HCN1: variants seen among roughly 807,000 people sequenced by gnomAD.
HCN1 encodes hyperpolarization activated cyclic nucleotide gated potassium channel 1, also known as potassium/sodium hyperpolarization-activated cyclic nucleotide-gated channel 1.
A neutral mutation model predicts 78.9 loss-of-function variants in HCN1; 13 were observed. The ratio of observed to expected loss-of-function variants is 0.16; its 90% CI spans 0.11 to 0.26. The LOEUF is 0.26. Among genes scored for constraint, HCN1 ranks in the 10% least tolerant of loss-of-function variants. The probability of loss-of-function intolerance (pLI) is 1.00; values close to 1 mark genes in which losing one functional copy is unlikely to be tolerated. For missense variants in HCN1, 810 were observed against 1,154.3 expected (o/e 0.70, Z 4.32); for synonymous variants, 552 against 455.5 (o/e 1.21, Z -2.70).
chr5:45,464,391 T>C (rs965652494), intron 2 of HCN1, among the ~76,000 whole-genome samples: 1 of 152,152 alleles, frequency 6.6e-6, no homozygotes, highest in African/African-American at 2.4e-5. Context: ...TGTTAGGTAG[T>C]GCTAGTGCTG....
intron 2 of HCN1, among the ~76,000 whole-genome samples, chr5:45,578,002 G>C (rs1579979208): frequency 6.6e-6 from 1 of 152,052 alleles, no homozygotes; most frequent in South Asian, 2.1e-4. Flanking sequence ...AGAACTCACA[G>C]TAGTGATGAG....
At chr5:45,681,759 AGTAAT>A (rs1391117988) in intron 1 of HCN1, among the ~76,000 whole-genome samples, 1 of 152,180 alleles carries the variant, frequency 6.6e-6, no homozygotes, top group African/African-American at 2.4e-5. Context: ...CATACCTAAA[AGTAAT>A]GTAATTATTT....
intron 6 of HCN1, among the ~76,000 whole-genome samples, chr5:45,302,328 C>T (rs1745643427): frequency 1.3e-5 from 2 of 152,048 alleles, no homozygotes; most frequent in South Asian, 4.1e-4. Flanking sequence ...AGTTGCTTGT[C>T]TCTCCTTCAC....
intron 1 of HCN1, among the ~76,000 whole-genome samples, chr5:45,680,918 C>T (rs1373864478): frequency 6.6e-6 from 1 of 151,974 alleles, no homozygotes; most frequent in Non-Finnish European, 1.5e-5. Context: ...CTTTTTGAAG[C>T]TTATCTTTGG....
chr5:45,383,433 T>C (rs538075958), intron 4 of HCN1, among the ~76,000 whole-genome samples: 62 of 152,300 alleles, frequency 4.1e-4, no homozygotes, highest in African/African-American at 1.4e-3. Flanking sequence ...CGATGGCTCA[T>C]GCCTGTAATC....
chr5:45,612,497 C>G (rs1332530466), intron 2 of HCN1, among the ~76,000 whole-genome samples: 1 of 152,084 alleles, frequency 6.6e-6, no homozygotes, highest in Non-Finnish European at 1.5e-5. Flanking sequence ...TAAAAGGTAA[C>G]TACATACTTT....
intron 2 of HCN1, among the ~76,000 whole-genome samples, chr5:45,502,776 G>A (rs1742217902): frequency 6.6e-6 from 1 of 151,956 alleles, no homozygotes; most frequent in Non-Finnish European, 1.5e-5. Context: ...TCATTCCACG[G>A]CTATGAGATT....
chr5:45,276,781 G>C (rs1262705812), intron 6 of HCN1, among the ~76,000 whole-genome samples: 2 of 151,992 alleles, frequency 1.3e-5, no homozygotes, highest in East Asian at 3.9e-4. Context: ...ATTCATCATA[G>C]AGTAATTCTG....
intron 2 of HCN1, among the ~76,000 whole-genome samples, chr5:45,563,323 G>A (rs1743643121): frequency 6.6e-6 from 1 of 151,936 alleles, no homozygotes; most frequent in Non-Finnish European, 1.5e-5. Context: ...GTGGTGGCGG[G>A]TGCCTGTAAT....
chr5:45,542,894 G>A (rs573924355), intron 2 of HCN1, among the ~76,000 whole-genome samples: 3 of 152,276 alleles, frequency 2.0e-5, no homozygotes, highest in African/African-American at 7.2e-5. Flanking sequence ...GATTGAAGCT[G>A]TTTTTAGAAT....
rs76866088 is a variant in HCN1 at position 45,463,600 on chromosome 5, T to C, written c.850-1593A>G. Among the ~76,000 whole-genome samples the C allele has an allele frequency of 4.7e-3, 720 of 152,134 alleles. 28 individuals are homozygous for C. In the East Asian group the frequency reaches 0.1, roughly 22 times the overall value. On this transcript the variant is annotated intron_variant, in intron 2 of 7. Coordinates refer to ENST00000303230, the MANE Select transcript of HCN1 (RefSeq NM_021072.4). Reference sequence around the variant, plus strand: ...ATTTGGAAAACCTACAGAAACATCCTTTTGATATTATTCCCTCTGATATTT... The same window carrying C: ...ATTTGGAAAACCTACAGAAACATCCCTTTGATATTATTCCCTCTGATATTT...
At chr5:45,361,332 C>G (rs546450741) in intron 4 of HCN1, among the ~76,000 whole-genome samples, 1 of 151,326 alleles carries the variant, frequency 6.6e-6, no homozygotes, top group African/African-American at 2.4e-5. Context: ...TGCACCACCA[C>G]GCCCAGCTAA....
chr5:45,664,101 A>G (rs2112064185), intron 1 of HCN1, among the ~76,000 whole-genome samples: 1 of 100,866 alleles, frequency 9.9e-6, no homozygotes, highest in African/African-American at 4.0e-5. Context: ...AATGTGGCAC[A>G]TATACACCAT....
intron 2 of HCN1, among the ~76,000 whole-genome samples, chr5:45,500,450 A>C (rs1031623509): frequency 6.6e-6 from 1 of 152,204 alleles, no homozygotes; most frequent in Non-Finnish European, 1.5e-5. Context: ...TCATAGAAAC[A>C]AGTGATACTT....
At chr5:45,281,038 A>G (rs191965280) in intron 6 of HCN1, among the ~76,000 whole-genome samples, 190 of 152,198 alleles carry the variant, frequency 1.2e-3, no homozygotes, top group Non-Finnish European at 2.2e-3. Context: ...ATACAGAAAA[A>G]TAAAATTTAC....
rs540542340 is a variant in HCN1 at position 45,404,555 on chromosome 5, C to A, written c.1012-7845G>T. On this transcript the variant is annotated intron_variant, in intron 3 of 7. Coordinates refer to ENST00000303230, the MANE Select transcript of HCN1 (RefSeq NM_021072.4). ...CAAATTAATGGGAACATAGTAAGTA[C>A]CTTTGCTTATTCCACCTGAGAACTT... Among the ~76,000 whole-genome samples, 23 of 150,598 alleles carry A rather than the reference C, an allele frequency of 1.5e-4. No individual in the cohort carries two copies. In the South Asian group the frequency reaches 4.8e-3, roughly 32 times the overall value.
intron 2 of HCN1, among the ~76,000 whole-genome samples, chr5:45,523,082 C>T (rs546572542): frequency 0.02 from 2,869 of 146,298 alleles, 51 homozygotes; most frequent in Non-Finnish European, 0.029. Context: ...TTGTTCAATT[C>T]CCACCTATGA....
intron 3 of HCN1, among the ~76,000 whole-genome samples, chr5:45,405,701 C>A (rs1001022780): frequency 6.6e-6 from 1 of 152,136 alleles, no homozygotes; most frequent in African/African-American, 2.4e-5. Flanking sequence ...AGACACTTTG[C>A]CCGGCGTATT....
intron 2 of HCN1, among the ~76,000 whole-genome samples, chr5:45,565,591 G>T (rs1743692753): frequency 6.6e-6 from 1 of 152,188 alleles, no homozygotes; most frequent in Admixed American, 6.6e-5. Context: ...GGGAGGCTGA[G>T]GAAGGACAAT....
Sources: allele counts gnomAD v4.1 joint callset (sites outside exome capture counted in the v4.1 genomes callset), GRCh38; gene constraint gnomAD v4.1.1; transcripts MANE v1.5; gene names NCBI Gene and HGNC (gene_info 2026-07-23, HGNC 2026-07-21).